Variants in KIF3B observed in about 807,000 individuals in gnomAD.
The protein encoded by KIF3B is kinesin family member 3B.
KIF3B carries 38 observed loss-of-function variants against 74.3 expected under a neutral mutation model. That is an observed-to-expected ratio of 0.51 (90% CI 0.39 to 0.67). The LOEUF (loss-of-function observed/expected upper bound fraction) is 0.67. Among genes scored for constraint, KIF3B ranks in the 30% least tolerant of loss-of-function variants. The pLI, the probability that KIF3B is intolerant of heterozygous loss-of-function variation, is 0.00. For missense variants in KIF3B, 649 were observed against 932.0 expected, an observed-to-expected ratio of 0.70 and a Z score of 3.95; for synonymous variants, 326 against 342.5, an observed-to-expected ratio of 0.95 and a Z score of 0.53.
At chr20:32,281,475 G>A (rs1215963006) in intron 1 of KIF3B, among the ~76,000 whole-genome samples, 1 of 152,204 alleles carries the variant, frequency 6.6e-6, no homozygotes, top group Non-Finnish European at 1.5e-5. Flanking sequence ...TCTACTGGCA[G>A]CAAACAGAAA....
At chr20:32,289,493 C>G (rs1414589565) in intron 1 of KIF3B, among the ~76,000 whole-genome samples, 1 of 152,112 alleles carries the variant, frequency 6.6e-6, no homozygotes, top group Non-Finnish European at 1.5e-5. Context: ...TGCTCGGCCA[C>G]TAGTCTATTT....
chr20:32,284,167 G>A (rs1269645009), intron 1 of KIF3B, among the ~76,000 whole-genome samples: 9 of 151,936 alleles, frequency 5.9e-5, no homozygotes, highest in Admixed American at 5.9e-4. Flanking sequence ...TCAAACTCCT[G>A]GCTTCAAGCA....
At chr20:32,295,998 G>A (rs1219880736) in intron 1 of KIF3B, among the ~76,000 whole-genome samples, 1 of 151,468 alleles carries the variant, frequency 6.6e-6, no homozygotes, top group African/African-American at 2.4e-5. Context: ...CCAAGTAGCT[G>A]AGACTACAAC....
intron 5 of KIF3B, among the ~76,000 whole-genome samples, chr20:32,317,779 A>G (rs2047835739): frequency 6.6e-6 from 1 of 151,932 alleles, no homozygotes; most frequent in African/African-American, 2.4e-5. Flanking sequence ...CTGGAACTAC[A>G]GGTGTGTGCC....
chr20:32,308,502 C>T (rs970986511), intron 1 of KIF3B, among the ~76,000 whole-genome samples: 8 of 152,190 alleles, frequency 5.3e-5, no homozygotes, highest in African/African-American at 1.9e-4. Context: ...CTTCTGCCTC[C>T]TAGGCTCAAG....
At chr20:32,322,353 A>C (rs1342468040) in intron 5 of KIF3B, among the ~76,000 whole-genome samples, 1 of 151,406 alleles carries the variant, frequency 6.6e-6, no homozygotes, top group East Asian at 2.0e-4. Context: ...TCACACGTGT[A>C]ATCCCAGCAC....
chr20:32,305,521 ACT>A (rs1440827661), intron 1 of KIF3B, among the ~76,000 whole-genome samples: 2 of 144,138 alleles, frequency 1.4e-5, no homozygotes, highest in South Asian at 2.2e-4. Context: ...ACCAAATGAA[ACT>A]CTGTCTCTTT....
chr20:32,325,878 G>C (rs946051022), intron 5 of KIF3B, among the ~76,000 whole-genome samples: 5 of 151,838 alleles, frequency 3.3e-5, no homozygotes, highest in African/African-American at 1.2e-4. Context: ...ATGTTGGCCA[G>C]GCTGTTCTCG....
chr20:32,328,082 C>CT lies in KIF3B; in HGVS notation c.1968+421_1968+422insT, dbSNP rs2047912840. Among the ~76,000 whole-genome samples, 7 of 152,010 alleles carry CT rather than the reference C, an allele frequency of 4.6e-5. 1 individual carries two copies. In the South Asian group the frequency reaches 1.5e-3, roughly 32 times the overall value. On this transcript the variant is annotated intron_variant, in intron 7 of 8. Transcript: ENST00000375712. Reference sequence around the variant, plus strand: ...TGCCACAGCACTCTAGCCTGGGTGACAGAGTGAGACCCTGTCTCAAAAAAT... The same window carrying CT: ...TGCCACAGCACTCTAGCCTGGGTGACTAGAGTGAGACCCTGTCTCAAAAAAT...
At chr20:32,312,779 A>G (rs1437641887) in intron 2 of KIF3B, among the ~76,000 whole-genome samples, 1 of 152,076 alleles carries the variant, frequency 6.6e-6, no homozygotes, top group Non-Finnish European at 1.5e-5. Flanking sequence ...GACGTGCAAG[A>G]TTGTCTTGTT....
rs1335437289 is a variant in KIF3B at position 32,330,313 on chromosome 20, A to G, written c.2141A>G (p.Lys714Arg). ...GAAAGCACTGCAAATAAGAAATCCA[A>G]GGCCAGGTGAGTGGCTTTGATGACG... Reference protein sequence around the residue: ...SFESTANKKSKARPKSGRKSG... With the variant: ...SFESTANKKSRARPKSGRKSG... Residue 714 changes from lysine (K) to arginine (R), a missense_variant, in exon 8 of 9, where the codon AAG becomes AGG. Around this residue, in one of 4 missense-constraint regions of KIF3B, gnomAD observed 186 missense variants for 198.5 expected, o/e 0.94. Coordinates refer to ENST00000375712, the MANE Select transcript of KIF3B (RefSeq NM_004798.4). 5.0e-6 allele frequency: 8 copies of G among 1,613,644 alleles called. No individual in the cohort carries two copies. The African/African-American group carries it at 8.0e-5, about 16-fold the overall frequency.
intron 1 of KIF3B, 28 bp downstream of exon 1, chr20:32,277,793 G>A: frequency 4.5e-6 from 1 of 219,950 alleles, no homozygotes; most frequent in Non-Finnish European, 8.6e-6. Context: ...GGCGCCCACC[G>A]AGCAGGGCTA....
intron 1 of KIF3B, among the ~76,000 whole-genome samples, chr20:32,283,001 C>T (rs574762908): frequency 6.6e-6 from 1 of 152,246 alleles, no homozygotes; most frequent in South Asian, 2.1e-4. Context: ...AACTAATAGT[C>T]TTATCACTGC....
intron 1 of KIF3B, among the ~76,000 whole-genome samples, chr20:32,280,084 A>T (rs2047635107): frequency 6.6e-6 from 1 of 152,176 alleles, no homozygotes; most frequent in Non-Finnish European, 1.5e-5. Context: ...TAGTTTCCTC[A>T]TCTGTAAAAT....
intron 2 of KIF3B, among the ~76,000 whole-genome samples, chr20:32,315,083 C>G (rs2122698372): frequency 6.6e-6 from 1 of 152,306 alleles, no homozygotes; most frequent in Non-Finnish European, 1.5e-5. Context: ...GGAGGCCTAG[C>G]CCAGGCCTAG....
At chr20:32,298,736 G>A (rs1046095294) in intron 1 of KIF3B, among the ~76,000 whole-genome samples, 1 of 150,238 alleles carries the variant, frequency 6.7e-6, no homozygotes, top group Non-Finnish European at 1.5e-5. Context: ...TGGTACAATC[G>A]TGACTGACTG....
intron 1 of KIF3B, among the ~76,000 whole-genome samples, chr20:32,304,115 G>C (rs1231414417): frequency 6.6e-6 from 1 of 152,098 alleles, no homozygotes; most frequent in African/African-American, 2.4e-5. Context: ...GTTCAGAGAG[G>C]GTAAGACGTC....
intron 1 of KIF3B, among the ~76,000 whole-genome samples, chr20:32,306,086 GAA>G (rs1379684728): frequency 1.3e-5 from 1 of 78,342 alleles, no homozygotes; most frequent in South Asian, 7.5e-4. Flanking sequence ...GACTCCATCT[GAA>G]AAAAAAAAAA....
Position 32,331,625 on chromosome 20 carries a change from T to G in KIF3B, c.*306T>G. On this transcript the variant is annotated 3_prime_UTR_variant, in exon 9 of 9. Transcript: ENST00000375712. ...TGCTTCCTTCCCCCTTGCCTTCTTC[T>G]CCCCCTTCCCCTGTGCTCCCTTTCT... 1 of 355,740 alleles carries G rather than the reference T, an allele frequency of 2.8e-6. No homozygotes were observed. The highest frequency in any genetic ancestry group is 5.1e-6 in the Non-Finnish European group (1 of 197,654). 22.0% of individuals were successfully genotyped at this position (355,740 alleles called of 1,614,324 possible). A position where few individuals can be genotyped will look rare whatever the true frequency, so the allele number is the denominator to read the frequency against.
Sources: allele counts gnomAD v4.1 joint callset (sites outside exome capture counted in the v4.1 genomes callset), GRCh38; gene constraint gnomAD v4.1.1; regional missense constraint gnomAD v4.1.1; transcripts MANE v1.5; gene names NCBI Gene and HGNC (gene_info 2026-07-23, HGNC 2026-07-21).